SLC8A3: variants seen among roughly 807,000 people sequenced by gnomAD.
SLC8A3 encodes the protein sodium/calcium exchanger 3.
In SLC8A3, 37 loss-of-function variants were observed where a neutral mutation model predicts 65.4. The observed-to-expected ratio is 0.57, with a 90% confidence interval of 0.44 to 0.74. The LOEUF is 0.74. Among genes scored for constraint, SLC8A3 ranks in the 30% least tolerant of loss-of-function variants. The pLI is 0.00. For missense variants in SLC8A3, 1,112 were observed against 1,172.1 expected (o/e 0.95, Z 0.75); for synonymous variants, 461 against 444.5 (o/e 1.04, Z -0.47).
chr14:70,100,377 T>C (rs1477682517), intron 2 of SLC8A3, among the ~76,000 whole-genome samples: 2 of 152,180 alleles, frequency 1.3e-5, no homozygotes, highest in African/African-American at 2.4e-5. Context: ...CACTTCTACT[T>C]AGGGACAACA....
intron 2 of SLC8A3, among the ~76,000 whole-genome samples, chr14:70,122,880 T>C (rs1894172515): frequency 6.6e-6 from 1 of 151,974 alleles, no homozygotes; most frequent in Non-Finnish European, 1.5e-5. Flanking sequence ...AAGACCAGCC[T>C]GGCCAACATA....
chr14:70,130,580 G>A (rs1421022644), intron 2 of SLC8A3, among the ~76,000 whole-genome samples: 3 of 152,236 alleles, frequency 2.0e-5, no homozygotes, highest in Non-Finnish European at 4.4e-5. Flanking sequence ...TGACCTGCAT[G>A]TTAAGGCAAC....
At chr14:70,156,333 A>G (rs1896570538) in intron 2 of SLC8A3, among the ~76,000 whole-genome samples, 2 of 152,244 alleles carry the variant, frequency 1.3e-5, no homozygotes, top group South Asian at 4.1e-4. Context: ...GTATTGAAGA[A>G]ATAGTGACAA....
At chr14:70,113,194 T>C (rs1893426440) in intron 2 of SLC8A3, among the ~76,000 whole-genome samples, 1 of 152,160 alleles carries the variant, frequency 6.6e-6, no homozygotes, top group Admixed American at 6.5e-5. Context: ...TGTGAAAACA[T>C]CATAGAGTGT....
chr14:70,118,536 G>T (rs934529913), intron 2 of SLC8A3, among the ~76,000 whole-genome samples: 1 of 152,172 alleles, frequency 6.6e-6, no homozygotes, highest in Non-Finnish European at 1.5e-5. Context: ...TTTCTGTGGG[G>T]TCAATCTGAT....
At chr14:70,150,013 T>A (rs1278161963) in intron 2 of SLC8A3, among the ~76,000 whole-genome samples, 12 of 152,156 alleles carry the variant, frequency 7.9e-5, no homozygotes, top group Admixed American at 7.9e-4. Flanking sequence ...TATCTTTAGA[T>A]CAACTGTTTC....
intron 2 of SLC8A3, among the ~76,000 whole-genome samples, chr14:70,087,195 G>C (rs1566770128): frequency 6.6e-6 from 1 of 152,236 alleles, no homozygotes; most frequent in Non-Finnish European, 1.5e-5. Context: ...CCTTGTCAAA[G>C]TCCAGGCTAG....
At chr14:70,097,162 A>G (rs2140090694) in intron 2 of SLC8A3, among the ~76,000 whole-genome samples, 1 of 152,270 alleles carries the variant, frequency 6.6e-6, no homozygotes, top group South Asian at 2.1e-4. Flanking sequence ...GCAGCAATCA[A>G]TACAAACTAA....
intron 1 of SLC8A3, among the ~76,000 whole-genome samples, chr14:70,176,163 C>T (rs1284064377): frequency 6.6e-6 from 1 of 152,194 alleles, no homozygotes; most frequent in Non-Finnish European, 1.5e-5. Flanking sequence ...AGGACTTTGC[C>T]CTCTCCAAAT....
intron 2 of SLC8A3, among the ~76,000 whole-genome samples, chr14:70,125,510 C>G (rs1463779520): frequency 6.6e-6 from 1 of 152,054 alleles, no homozygotes; most frequent in East Asian, 1.9e-4. Flanking sequence ...AGACTTTGTT[C>G]TTTTTTACGA....
intron 3 of SLC8A3, among the ~76,000 whole-genome samples, chr14:70,057,956 A>G (rs1888353958): frequency 6.6e-6 from 1 of 152,186 alleles, no homozygotes; most frequent in Non-Finnish European, 1.5e-5. Flanking sequence ...CCCAGGCCCA[A>G]CAGTCTTGAT....
At chr14:70,055,847 A>G in intron 3 of SLC8A3, 2 of 1,595,506 alleles carry the variant, frequency 1.3e-6, no homozygotes, top group Admixed American at 3.4e-5. Flanking sequence ...AAATGGAAGA[A>G]AGAAAAGGAA....
At chr14:70,114,943 G>C (rs532470356) in intron 2 of SLC8A3, among the ~76,000 whole-genome samples, 2 of 152,254 alleles carry the variant, frequency 1.3e-5, no homozygotes, top group African/African-American at 4.8e-5. Flanking sequence ...ATACACAAGG[G>C]ACTTTGCAGA....
At chr14:70,048,576 G>A (rs942950707) in intron 6 of SLC8A3, 191 bp downstream of exon 6, 6 of 684,566 alleles carry the variant, frequency 8.8e-6, no homozygotes, top group African/African-American at 5.3e-5. Flanking sequence ...CACATTGAAA[G>A]TGCTCAAGAA....
At chr14:70,171,224 G>A (rs539590822) in intron 1 of SLC8A3, among the ~76,000 whole-genome samples, 2 of 152,210 alleles carry the variant, frequency 1.3e-5, no homozygotes, top group South Asian at 2.1e-4. Context: ...TCCCAAGAGG[G>A]TGAGTATCCA....
intron 2 of SLC8A3, among the ~76,000 whole-genome samples, chr14:70,136,427 C>T (rs1047912239): frequency 5.3e-5 from 8 of 152,168 alleles, no homozygotes; most frequent in East Asian, 1.9e-4. Context: ...TGTAAGCCTG[C>T]GTGATAAGGC....
chr14:70,068,992 A>G (rs953385629), intron 2 of SLC8A3, among the ~76,000 whole-genome samples: 23 of 152,348 alleles, frequency 1.5e-4, no homozygotes, highest in African/African-American at 4.3e-4. Context: ...TGCTGGGATT[A>G]TAGGTGTGAG....
chr14:70,188,184 G>A (rs1883499797), intron 1 of SLC8A3, among the ~76,000 whole-genome samples, 195 bp downstream of exon 1: 1 of 152,048 alleles, frequency 6.6e-6, no homozygotes, highest in African/African-American at 2.4e-5. Context: ...CACTTTCCGG[G>A]GCACCCTCAC....
At chr14:70,059,885 G>A (rs951594061) in intron 3 of SLC8A3, among the ~76,000 whole-genome samples, 3 of 152,154 alleles carry the variant, frequency 2.0e-5, no homozygotes, top group Non-Finnish European at 4.4e-5. Flanking sequence ...GGGGCCCCTG[G>A]CTACGGGAAT....
Sources: allele counts gnomAD v4.1 joint callset (sites outside exome capture counted in the v4.1 genomes callset), GRCh38; gene constraint gnomAD v4.1.1; transcripts MANE v1.5; gene names NCBI Gene and HGNC (gene_info 2026-07-23, HGNC 2026-07-21).